Variants in MYO9A observed in about 807,000 individuals in gnomAD.
The protein encoded by MYO9A is myosin IXA.
Under a neutral mutation model 293.3 loss-of-function variants are expected in MYO9A, and 103 were observed. That is an observed-to-expected ratio of 0.35 (90% CI 0.30 to 0.41). The LOEUF is 0.41. Among genes scored for constraint, MYO9A ranks in the 10% least tolerant of loss-of-function variants. The pLI is 1.00. For missense variants in MYO9A, 2,685 were observed against 3,033.0 expected (o/e 0.89, Z 2.69); for synonymous variants, 1,001 against 1,035.7 (o/e 0.97, Z 0.64).
chr15:72,109,889 C>T (rs1199076403), intron 1 of MYO9A, among the ~76,000 whole-genome samples: 2 of 145,880 alleles, frequency 1.4e-5, no homozygotes, highest in African/African-American at 5.0e-5. Context: ...GAGCAAGACT[C>T]TGTCTCACAA....
intron 13 of MYO9A, among the ~76,000 whole-genome samples, chr15:71,966,244 C>T (rs938452221): frequency 3.5e-5 from 5 of 142,154 alleles, no homozygotes; most frequent in South Asian, 4.4e-4. Context: ...TATCTGATAA[C>T]GCAGATGAAT....
At position 72,019,041 on chromosome 15, in the gene MYO9A, G is replaced by A. The variant is rs758953604; in HGVS notation, c.1153C>T (p.Pro385Ser). 1 of 1,613,402 alleles carries A rather than the reference G, an allele frequency of 6.2e-7. No homozygotes were observed. The highest frequency in any genetic ancestry group is 8.5e-7 in the Non-Finnish European group (1 of 1,179,480). ...SWDDYCYDSEPDCFTVEGEDL... is the reference protein window; with the variant it reads ...SWDDYCYDSESDCFTVEGEDL... The stretch of plus-strand genomic sequence containing the variant: ...AATATTTAGGTACTTGTACTGACCG[G>A]CTCAGAGTCATAGCAATAATCATCC... Residue 385 changes from proline (P) to serine (S), a missense_variant and splice_region_variant, in exon 6 of 42, where the codon CCG becomes TCG. Around this residue, in one of 10 missense-constraint regions of MYO9A, gnomAD observed 289 missense variants for 456.8 expected, o/e 0.63. Coordinates refer to ENST00000356056, the MANE Select transcript of MYO9A (RefSeq NM_006901.4).
intron 1 of MYO9A, among the ~76,000 whole-genome samples, chr15:72,100,689 GC>G (rs1484000872): frequency 4.0e-5 from 6 of 150,622 alleles, no homozygotes; most frequent in Non-Finnish European, 5.9e-5. Context: ...CTGCCCCGCC[GC>G]CCCGTCTGAG....
At chr15:72,043,960 A>T (rs536951748) in intron 2 of MYO9A, among the ~76,000 whole-genome samples, 1 of 150,056 alleles carries the variant, frequency 6.7e-6, no homozygotes, top group Non-Finnish European at 1.5e-5. Context: ...TTAAATTGGC[A>T]AGCAAAAACC....
intron 32 of MYO9A, among the ~76,000 whole-genome samples, chr15:71,871,348 C>A (rs2056506675): frequency 6.6e-6 from 1 of 152,002 alleles, no homozygotes; most frequent in African/African-American, 2.4e-5. Flanking sequence ...GCACTTCAGG[C>A]TGGGCAACAG....
At chr15:71,962,104 G>A (rs1486798689) in intron 13 of MYO9A, among the ~76,000 whole-genome samples, 1 of 152,090 alleles carries the variant, frequency 6.6e-6, no homozygotes, top group Non-Finnish European at 1.5e-5. Context: ...GAGGTTGGAG[G>A]AGCTAGAACA....
At chr15:71,955,964 G>A (rs188077030) in intron 14 of MYO9A, among the ~76,000 whole-genome samples, 2 of 151,984 alleles carry the variant, frequency 1.3e-5, no homozygotes, top group African/African-American at 2.4e-5. Flanking sequence ...GTAATATAGA[G>A]TATTGTATGA....
intron 11 of MYO9A, among the ~76,000 whole-genome samples, chr15:71,989,798 G>A (rs1003136811): frequency 1.3e-5 from 2 of 152,010 alleles, no homozygotes; most frequent in African/African-American, 2.4e-5. Flanking sequence ...GGTCAAGGTG[G>A]GAGGACTGCT....
At chr15:71,851,897 G>A (rs533031301) in intron 36 of MYO9A, among the ~76,000 whole-genome samples, 1 of 152,208 alleles carries the variant, frequency 6.6e-6, no homozygotes, top group East Asian at 1.9e-4. Context: ...TTTGTAAGAA[G>A]CAACCAAGTG....
chr15:72,082,081 G>A (rs1476566546), intron 1 of MYO9A, among the ~76,000 whole-genome samples: 1 of 152,094 alleles, frequency 6.6e-6, no homozygotes, highest in Non-Finnish European at 1.5e-5. Context: ...GTCATTGGTA[G>A]TTTGATAGGA....
At chr15:71,842,914 CAT>C (rs1491561490) in intron 39 of MYO9A, among the ~76,000 whole-genome samples, 18 of 135,464 alleles carry the variant, frequency 1.3e-4, no homozygotes, top group Middle Eastern at 3.7e-3. Context: ...TTTGTGTATG[CAT>C]GTGTGTGTGT....
At chr15:71,900,122 T>A (rs906352391) in intron 23 of MYO9A, 116 bp from the exon 24 acceptor site, 5 of 1,078,030 alleles carry the variant, frequency 4.6e-6, no homozygotes, top group Non-Finnish European at 5.2e-6. Flanking sequence ...GCTATGCAGC[T>A]AAATTCTTGG....
intron 39 of MYO9A, among the ~76,000 whole-genome samples, chr15:71,843,611 T>G (rs1055658299): frequency 6.6e-6 from 1 of 152,096 alleles, no homozygotes; most frequent in Non-Finnish European, 1.5e-5. Context: ...ACCTCAGCCT[T>G]CCAAGTATCT....
At chr15:72,086,202 C>T (rs1034955467) in intron 1 of MYO9A, among the ~76,000 whole-genome samples, 1 of 152,164 alleles carries the variant, frequency 6.6e-6, no homozygotes, top group African/African-American at 2.4e-5. Context: ...TCAGTGTGGG[C>T]GTTTGTAGCA....
chr15:71,863,162 G>A (rs1054302278), intron 32 of MYO9A, among the ~76,000 whole-genome samples: 1 of 151,712 alleles, frequency 6.6e-6, no homozygotes, highest in African/African-American at 2.4e-5. Context: ...TTGAACTCCT[G>A]ATCTCAAGTT....
At chr15:72,107,109 T>C (rs1480588343) in intron 1 of MYO9A, among the ~76,000 whole-genome samples, 1 of 151,128 alleles carries the variant, frequency 6.6e-6, no homozygotes, top group Non-Finnish European at 1.5e-5. Flanking sequence ...GGAAGAAGAG[T>C]AGGGAGAAGA....
At chr15:72,048,700 G>C (rs2078465854) in intron 1 of MYO9A, among the ~76,000 whole-genome samples, 1 of 151,884 alleles carries the variant, frequency 6.6e-6, no homozygotes, top group Admixed American at 6.6e-5. Context: ...ATTTTACCTT[G>C]GCTATTTACA....
At chr15:71,892,160 C>T (rs191111208) in intron 26 of MYO9A, 1 of 152,296 alleles carries the variant, frequency 6.6e-6, no homozygotes, top group Non-Finnish European at 1.5e-5. Context: ...TGTCAAACCA[C>T]ATATACACCT....
At chr15:72,018,371 G>A (rs2149141107) in intron 6 of MYO9A, among the ~76,000 whole-genome samples, 1 of 152,202 alleles carries the variant, frequency 6.6e-6, no homozygotes, top group Non-Finnish European at 1.5e-5. Context: ...GGGAGGCTGA[G>A]GCATGAGAAT....
Sources: gnomAD v4.1 joint callset for allele counts (sites outside exome capture counted in the v4.1 genomes callset) on GRCh38, gnomAD v4.1.1 for gene constraint, gnomAD v4.1.1 regional missense constraint, MANE v1.5 for transcripts, NCBI Gene and HGNC (gene_info 2026-07-23, HGNC 2026-07-21) for gene names.